S100Z: variants seen among roughly 807,000 people sequenced by gnomAD.
The protein encoded by S100Z is S100 calcium binding protein Z.
In S100Z, 11 loss-of-function variants were observed where a neutral mutation model predicts 8.5. The observed-to-expected ratio is 1.30, with a 90% CI of 0.82 to 2.15. The LOEUF (loss-of-function observed/expected upper bound fraction) is 2.15, where lower values mean the gene tolerates loss of function less well. Among genes scored for constraint, S100Z ranks in the 30% most tolerant of loss-of-function variants. The pLI is 0.00. For missense variants in S100Z, 126 were observed against 117.9 expected, an observed-to-expected ratio of 1.07 and a Z score of -0.32; for synonymous variants, 34 against 43.8, an observed-to-expected ratio of 0.78 and a Z score of 0.89.
chr5:76,906,671 C>T (rs1055047024), intron 4 of S100Z, among the ~76,000 whole-genome samples: 3 of 150,644 alleles, frequency 2.0e-5, no homozygotes, highest in African/African-American at 4.9e-5. Flanking sequence ...CAAGCTCTGT[C>T]ACCCAGGCTG....
chr5:76,940,566 C>T, the S100Z span, among the ~76,000 whole-genome samples: 2 of 152,206 alleles, frequency 1.3e-5, no homozygotes, highest in African/African-American at 4.8e-5. Flanking sequence ...GCATCTGCCA[C>T]CACACCTAGC....
At chr5:76,926,666 G>C in the S100Z span, among the ~76,000 whole-genome samples, 1 of 152,186 alleles carries the variant, frequency 6.6e-6, no homozygotes, top group Non-Finnish European at 1.5e-5. Context: ...AAAGAACCAA[G>C]CAGGTTTTAG....
chr5:76,937,938 A>C, the S100Z span, among the ~76,000 whole-genome samples: 1 of 152,020 alleles, frequency 6.6e-6, no homozygotes, highest in South Asian at 2.1e-4. Flanking sequence ...GTCTCTACAA[A>C]AAATACAAAA....
chr5:76,924,067 G>A (rs1745092463), downstream of S100Z, among the ~76,000 whole-genome samples: 1 of 152,120 alleles, frequency 6.6e-6, no homozygotes, highest in African/African-American at 2.4e-5. Context: ...AAGCAGAAAA[G>A]ATTAAAACTC....
chr5:76,850,600 C>T (rs946461074), intron 1 of S100Z, among the ~76,000 whole-genome samples: 1 of 152,138 alleles, frequency 6.6e-6, no homozygotes, highest in African/African-American at 2.4e-5. Context: ...TTTCCTGAAG[C>T]CTGCACAGAT....
intron 3 of S100Z, 107 bp downstream of exon 3, chr5:76,875,607 G>A (rs1243262599): frequency 8.0e-6 from 8 of 1,001,394 alleles, no homozygotes; most frequent in Non-Finnish European, 1.0e-5. Context: ...CACAAATGCA[G>A]CCAAATTTGT....
chr5:76,941,563 T>G, the S100Z span, among the ~76,000 whole-genome samples: 1 of 152,172 alleles, frequency 6.6e-6, no homozygotes, highest in Non-Finnish European at 1.5e-5. Flanking sequence ...AATGACCCAG[T>G]CTTGGGTATG....
At chr5:76,862,590 G>C (rs558851096) in intron 1 of S100Z, among the ~76,000 whole-genome samples, 1 of 152,270 alleles carries the variant, frequency 6.6e-6, no homozygotes, top group African/African-American at 2.4e-5. Flanking sequence ...CCTGAGGCCA[G>C]GAGTTCGAGA....
chr5:76,949,185 A>C, the S100Z span, among the ~76,000 whole-genome samples: 25 of 152,126 alleles, frequency 1.6e-4, 1 homozygote, highest in Non-Finnish European at 2.8e-4. Flanking sequence ...TCAGGAGATC[A>C]AGACCATCCT....
chr5:76,936,544 AT>A, the S100Z span, among the ~76,000 whole-genome samples: 1 of 151,700 alleles, frequency 6.6e-6, no homozygotes, highest in Non-Finnish European at 1.5e-5. Flanking sequence ...TCAAAAAAAT[AT>A]TTGTGAAGTG....
chr5:76,935,396 G>A, the S100Z span, among the ~76,000 whole-genome samples: 1 of 152,064 alleles, frequency 6.6e-6, no homozygotes, highest in Admixed American at 6.6e-5. Flanking sequence ...GACCTTTCTC[G>A]ATCTCAGAAT....
At chr5:76,931,069 A>G in the S100Z span, among the ~76,000 whole-genome samples, 5 of 151,102 alleles carry the variant, frequency 3.3e-5, no homozygotes, top group African/African-American at 1.2e-4. Flanking sequence ...GCAGGGAGAA[A>G]GAGCTCTAGT....
rs182083196 is a variant in S100Z, at chr5:76,886,851, G to A, written c.*2+9017G>A. ...TCTTAAGGGTTGGGGCGATTACAAA[G>A]TACATTGATCAGTTAGGGTGGGGCA... is the stretch of plus-strand genomic sequence containing the variant. On this transcript the variant is annotated intron_variant, in intron 4 of 4. Transcript: ENST00000317593. 2.8e-3 allele frequency among the ~76,000 whole-genome samples: 428 copies of A among 152,304 alleles called. 4 individuals carry two copies. The highest frequency in any genetic ancestry group is 9.6e-3 in the African/African-American group (401 of 41,562).
chr5:76,950,905 C>T, the S100Z span, among the ~76,000 whole-genome samples: 2 of 152,176 alleles, frequency 1.3e-5, no homozygotes, highest in Non-Finnish European at 2.9e-5. Flanking sequence ...TTCCATTTCT[C>T]TCACCTATTT....
At chr5:76,850,336 GAGAGAGAGAGA>G (rs1750689905) in intron 1 of S100Z, among the ~76,000 whole-genome samples, 181 bp downstream of exon 1, 1 of 135,498 alleles carries the variant, frequency 7.4e-6, no homozygotes, top group South Asian at 2.6e-4. Context: ...GGGGGTGGGG[GAGAGAGAGAGA>G]GAGAGAGAGA....
chr5:76,947,897 A>T, the S100Z span, among the ~76,000 whole-genome samples: 1 of 152,220 alleles, frequency 6.6e-6, no homozygotes, highest in African/African-American at 2.4e-5. Flanking sequence ...GTAAGACCTG[A>T]AACTATAAAA....
chr5:76,928,116 G>A, the S100Z span, among the ~76,000 whole-genome samples: 2 of 152,142 alleles, frequency 1.3e-5, no homozygotes, highest in South Asian at 2.1e-4. Context: ...AGGAGCACCC[G>A]AGTCAGTACT....
intron 4 of S100Z, among the ~76,000 whole-genome samples, chr5:76,902,122 C>T (rs1744250465): frequency 6.6e-6 from 1 of 152,092 alleles, no homozygotes; most frequent in Admixed American, 6.6e-5. Context: ...CCTCTCTTCT[C>T]TTCAAGCAGA....
intron 2 of S100Z, among the ~76,000 whole-genome samples, 194 bp from the exon 3 acceptor site, chr5:76,875,110 C>A (rs562084294): frequency 1.7e-4 from 26 of 152,248 alleles, no homozygotes; most frequent in Admixed American, 1.6e-3. Flanking sequence ...CCAGGATGGT[C>A]TCGATCTTCT....
Sources: allele counts gnomAD v4.1 joint callset (sites outside exome capture counted in the v4.1 genomes callset), GRCh38; gene constraint gnomAD v4.1.1; transcripts MANE v1.5; gene names NCBI Gene and HGNC (gene_info 2026-07-23, HGNC 2026-07-21).